Variants in NAALADL2 observed in about 807,000 individuals in gnomAD.
NAALADL2 encodes N-acetylated alpha-linked acidic dipeptidase like 2, also known as inactive N-acetylated-alpha-linked acidic dipeptidase-like protein 2.
In NAALADL2, 76 loss-of-function variants were observed where a neutral mutation model predicts 87.2. The observed-to-expected ratio is 0.87, with a 90% CI of 0.72 to 1.05. The LOEUF (loss-of-function observed/expected upper bound fraction) is 1.05, where lower values mean the gene tolerates loss of function less well. Among genes scored for constraint, NAALADL2 ranks in the 50% least tolerant of loss-of-function variants. The pLI is 0.00. For synonymous variants in NAALADL2, 354 were observed against 331.0 expected (o/e 1.07, Z -0.75); for missense variants, 1,089 against 945.8 (o/e 1.15, Z -1.99).
At chr3:175,763,083 C>CAAATAAATAAGT (rs1748249492) in intron 13 of NAALADL2, among the ~76,000 whole-genome samples, 1 of 148,720 alleles carries the variant, frequency 6.7e-6, no homozygotes, top group African/African-American at 2.5e-5. Flanking sequence ...GACTCTGACT[C>CAAATAAATAAGT]AAATAAATAA....
At chr3:174,823,827 C>T (rs912046541) in intron 3 of NAALADL2, among the ~76,000 whole-genome samples, 1 of 152,214 alleles carries the variant, frequency 6.6e-6, no homozygotes, top group Non-Finnish European at 1.5e-5. Flanking sequence ...TCTCCTGCCT[C>T]AGCCTCCCGA....
At chr3:174,656,076 T>A (rs1029704518) in intron 2 of NAALADL2, among the ~76,000 whole-genome samples, 6 of 152,198 alleles carry the variant, frequency 3.9e-5, no homozygotes, top group African/African-American at 1.4e-4. Context: ...GGCATTGAAA[T>A]GAAAAGTTAT....
Position 175,495,092 on chromosome 3 carries a change from A to ATAT in NAALADL2, c.1653+23335_1653+23336insATT, listed in dbSNP as rs754412056. 4.7e-4 allele frequency among the ~76,000 whole-genome samples: 64 copies of ATAT among 136,500 alleles called. 2 individuals are homozygous for ATAT. Among genetic ancestry groups the ATAT allele is most frequent in the African/African-American group, 1.5e-3 (52 of 35,074 alleles). 89.5% of individuals were successfully genotyped at this position (136,500 alleles called of 152,430 possible). On this transcript the variant is annotated intron_variant, in intron 9 of 13. Transcript: ENST00000454872. ...CAATCCCATATATATATATATATAT[A>ATAT]TTTTTTTTTAATTTTAGATTATTTC...
At chr3:175,053,310 A>G (rs1169260390) in intron 1 of NAALADL2, among the ~76,000 whole-genome samples, 4 of 152,206 alleles carry the variant, frequency 2.6e-5, no homozygotes, top group Non-Finnish European at 5.9e-5. Context: ...GATCACCGCT[A>G]TCATAGCTAC....
intron 1 of NAALADL2, among the ~76,000 whole-genome samples, chr3:174,910,486 A>G (rs918435052): frequency 2.6e-5 from 4 of 152,078 alleles, no homozygotes; most frequent in Non-Finnish European, 5.9e-5. Context: ...GAACTGAGGA[A>G]TAAGCAGTAA....
intron 11 of NAALADL2, among the ~76,000 whole-genome samples, chr3:175,680,028 T>C (rs1429859633): frequency 2.0e-5 from 3 of 152,144 alleles, no homozygotes; most frequent in Admixed American, 2.0e-4. Context: ...TCTCCTTACC[T>C]TAGGATGAAA....
At chr3:175,135,879 A>C (rs1580644376) in intron 2 of NAALADL2, among the ~76,000 whole-genome samples, 2 of 152,340 alleles carry the variant, frequency 1.3e-5, no homozygotes, top group East Asian at 3.9e-4. Context: ...AGTTCTAGAG[A>C]AAAATGTTAA....
chr3:174,690,046 T>G (rs915467199), intron 2 of NAALADL2, among the ~76,000 whole-genome samples: 1 of 152,190 alleles, frequency 6.6e-6, no homozygotes, highest in African/African-American at 2.4e-5. Context: ...ATGTGGTTGC[T>G]TTGTCATCCT....
At chr3:175,006,838 G>A (rs535754127) in intron 1 of NAALADL2, among the ~76,000 whole-genome samples, 1 of 151,152 alleles carries the variant, frequency 6.6e-6, no homozygotes, top group Non-Finnish European at 1.5e-5. Context: ...ACATACTTTT[G>A]TTGAGCCTTT....
chr3:174,754,954 A>T (rs1043045152), intron 3 of NAALADL2, among the ~76,000 whole-genome samples: 7 of 152,202 alleles, frequency 4.6e-5, no homozygotes, highest in Admixed American at 3.9e-4. Flanking sequence ...ATATAACTAG[A>T]TTGTGGCAAA....
At position 174,771,246 on chromosome 3, in the gene NAALADL2, G is replaced by A. The variant is rs796541889; in HGVS notation, c.-9+33500G>A. 1.7e-4 allele frequency among the ~76,000 whole-genome samples: 26 copies of A among 152,252 alleles called. 1 individual carries two copies. Among genetic ancestry groups the A allele is most frequent in the African/African-American group, 6.3e-4 (26 of 41,560 alleles). ...GAGATATAAACATTTACATTTAATT[G>A]AAATACACAAAATTCAGAGTAAAAT... On this transcript the variant is annotated intron_variant, in intron 3 of 3. Coordinates refer to the NAALADL2 transcript ENST00000434257.
intron 4 of NAALADL2, among the ~76,000 whole-genome samples, chr3:175,263,619 C>G (rs1400190595): frequency 6.6e-6 from 1 of 151,370 alleles, no homozygotes; most frequent in Non-Finnish European, 1.5e-5. Context: ...ATTCATAATC[C>G]CCATGTATGT....
chr3:174,556,819 C>A lies in NAALADL2; in HGVS notation c.-115+6182C>A, dbSNP rs540970291. Among the ~76,000 whole-genome samples, 71 of 152,196 alleles carry A rather than the reference C, an allele frequency of 4.7e-4. 1 individual carries two copies. Among genetic ancestry groups the A allele is most frequent in the African/African-American group, 1.6e-3 (67 of 41,532 alleles). On this transcript the variant is annotated intron_variant, in intron 2 of 3. Coordinates refer to the NAALADL2 transcript ENST00000434257. ...GCAGTGGCACAATCATGGCTTACTGCAGCCTCAAACTCCTGGGCTCAAGCA... is the reference window on the plus strand; with the variant it reads ...GCAGTGGCACAATCATGGCTTACTGAAGCCTCAAACTCCTGGGCTCAAGCA...
At chr3:174,858,940 G>C (rs1283522235), upstream of NAALADL2, among the ~76,000 whole-genome samples, 1 of 151,958 alleles carries the variant, frequency 6.6e-6, no homozygotes, top group East Asian at 1.9e-4. Flanking sequence ...CTGACTCTGA[G>C]CTGTTCCTTA....
chr3:175,566,136 G>A (rs1182716349), intron 9 of NAALADL2, among the ~76,000 whole-genome samples: 2 of 152,052 alleles, frequency 1.3e-5, no homozygotes, highest in Non-Finnish European at 2.9e-5. Flanking sequence ...GGCCACAAAA[G>A]CCTTTTTAAA....
chr3:175,662,944 AGTTT>A (rs200794824), intron 11 of NAALADL2, among the ~76,000 whole-genome samples: 2,078 of 151,306 alleles, frequency 0.014, 52 homozygotes, highest in African/African-American at 0.047. Flanking sequence ...ATTGGCCTGT[AGTTT>A]GTTTGTTTGT....
At position 175,718,195 on chromosome 3, in the gene NAALADL2, G is replaced by GTTTTTTTTTTTTT. The variant is rs1244400650; in HGVS notation, c.1897-19095_1897-19083dup. 18 of 823,378 alleles carry GTTTTTTTTTTTTT rather than the reference G, an allele frequency of 2.2e-5. 3 individuals carry two copies. Among genetic ancestry groups the GTTTTTTTTTTTTT allele is most frequent in the South Asian group, 9.2e-5 (5 of 54,364 alleles). 51.0% of individuals were successfully genotyped at this position (823,378 alleles called of 1,614,324 possible). ...TGGAGGGGAAGGGGAAGGGCCTGTG[G>GTTTTTTTTTTTTT]TTTTTTTTTTTTTTTTTTTTTTTTT... On this transcript the variant is annotated intron_variant, in intron 11 of 13. Transcript: ENST00000454872.
At chr3:175,251,520 T>G (rs1042931588) in intron 3 of NAALADL2, among the ~76,000 whole-genome samples, 1 of 152,240 alleles carries the variant, frequency 6.6e-6, no homozygotes, top group Admixed American at 6.5e-5. Flanking sequence ...ACATTTCCCA[T>G]AGAGACCAGT....
chr3:175,723,467 T>C (rs1390366418), intron 11 of NAALADL2, among the ~76,000 whole-genome samples: 1 of 152,140 alleles, frequency 6.6e-6, no homozygotes, highest in Non-Finnish European at 1.5e-5. Flanking sequence ...TACTTTTTGG[T>C]GATGGTGGTA....
Sources: gnomAD v4.1 joint callset for allele counts (sites outside exome capture counted in the v4.1 genomes callset) on GRCh38, gnomAD v4.1.1 for gene constraint, MANE v1.5 for transcripts, NCBI Gene and HGNC (gene_info 2026-07-23, HGNC 2026-07-21) for gene names.